Variants in SLC25A48 observed in about 807,000 individuals in gnomAD.
SLC25A48 encodes CTC-321K16.1.
A neutral mutation model predicts 32.2 loss-of-function variants in SLC25A48; 29 were observed. That is an observed-to-expected ratio of 0.90 (90% CI 0.67 to 1.23). The LOEUF is 1.23. SLC25A48 is among the 50% of genes most tolerant of loss of function. The pLI is 0.00. For missense variants in SLC25A48, 399 were observed against 422.7 expected (o/e 0.94, Z 0.49); for synonymous variants, 164 against 172.3 (o/e 0.95, Z 0.38).
At chr5:135,883,040 T>A in intron 7 of SLC25A48, 1 of 985,460 alleles carries the variant, frequency 1.0e-6, no homozygotes, top group African/African-American at 1.7e-5. Context: ...AAGATGTTCT[T>A]GTCTTTCCTC....
chr5:135,654,766 G>T (rs558693322), intron 3 of SLC25A48, among the ~76,000 whole-genome samples: 1 of 152,332 alleles, frequency 6.6e-6, no homozygotes, highest in African/African-American at 2.4e-5. Flanking sequence ...GTCAGAGGCC[G>T]TAAGAGCAGA....
In SLC25A48 at chr5:135,852,769, C is replaced by G. The variant is rs755412853; in HGVS notation, c.369C>G (p.Pro123=). 9.9e-6 allele frequency: 16 copies of G among 1,613,662 alleles called. 1 individual carries two copies. The highest frequency in any genetic ancestry group is 3.3e-5 in the South Asian group (3 of 91,066). ...TGGTCTCTGTCGGGCTGGGAGGGCC[C>G]GTGGACCTCATCAAGATCCGGTTGC... ...AGVVSVGLGG[P]VDLIKIRLQM... is the part of the protein sequence containing the mutation. Residue 123 remains proline (P), a synonymous_variant, in exon 4 of 8, where the codon CCC becomes CCG. Transcript: ENST00000681962.
intron 3 of SLC25A48, among the ~76,000 whole-genome samples, chr5:135,761,810 C>T (rs1008051750): frequency 5.3e-5 from 8 of 152,158 alleles, no homozygotes; most frequent in South Asian, 2.1e-4. Flanking sequence ...ACCTCACTGT[C>T]CCCAGGAGCA....
chr5:135,886,697 A>AGT (rs1762750497), intron 7 of SLC25A48, among the ~76,000 whole-genome samples: 4 of 131,648 alleles, frequency 3.0e-5, no homozygotes, highest in African/African-American at 1.2e-4. Context: ...AGAGAGAGAG[A>AGT]GAGAGTGTGT....
At chr5:135,719,777 T>G (rs566364663) in intron 3 of SLC25A48, among the ~76,000 whole-genome samples, 1 of 152,252 alleles carries the variant, frequency 6.6e-6, no homozygotes, top group East Asian at 1.9e-4. Context: ...ACCTGTGGAT[T>G]GCATCTGCAT....
intron 3 of SLC25A48, among the ~76,000 whole-genome samples, chr5:135,800,504 T>G (rs895523447): frequency 1.3e-5 from 2 of 151,626 alleles, no homozygotes; most frequent in African/African-American, 2.4e-5. Flanking sequence ...GACATGAGTT[T>G]CAACATCGCA....
intron 1 of SLC25A48, among the ~76,000 whole-genome samples, chr5:135,603,514 G>T (rs1207590490): frequency 6.6e-6 from 1 of 152,190 alleles, no homozygotes; most frequent in African/African-American, 2.4e-5. Context: ...CAGCAGGCCC[G>T]GCCCTGCCTC....
At chr5:135,624,350 A>G (rs1016010969) in intron 1 of SLC25A48, among the ~76,000 whole-genome samples, 1 of 152,240 alleles carries the variant, frequency 6.6e-6, no homozygotes, top group Non-Finnish European at 1.5e-5. Flanking sequence ...TTTAGGTTCT[A>G]TACAAACTTA....
chr5:135,828,637 T>A (rs1758126882), intron 4 of SLC25A48, among the ~76,000 whole-genome samples: 1 of 152,230 alleles, frequency 6.6e-6, no homozygotes, highest in African/African-American at 2.4e-5. Flanking sequence ...AGCCTCAGCA[T>A]GGGCTATGGA....
intron 3 of SLC25A48, among the ~76,000 whole-genome samples, chr5:135,732,702 C>A (rs1466310727): frequency 1.3e-5 from 2 of 152,130 alleles, no homozygotes. Flanking sequence ...ATAGAAGGGG[C>A]CTGTGAGGCT....
chr5:135,671,429 G>A (rs2126942406), intron 3 of SLC25A48, among the ~76,000 whole-genome samples: 1 of 152,308 alleles, frequency 6.6e-6, no homozygotes, highest in East Asian at 1.9e-4. Flanking sequence ...CTGGTTTGGG[G>A]TACAGACCAG....
At chr5:135,598,339 C>A (rs763129131) in intron 1 of SLC25A48, among the ~76,000 whole-genome samples, 2 of 152,188 alleles carry the variant, frequency 1.3e-5, no homozygotes, top group Non-Finnish European at 2.9e-5. Context: ...ATCATCATTT[C>A]TCCTTCCACC....
intron 1 of SLC25A48, among the ~76,000 whole-genome samples, chr5:135,600,857 T>C (rs530873630): frequency 6.6e-5 from 10 of 150,886 alleles, no homozygotes; most frequent in Admixed American, 4.0e-4. Flanking sequence ...TATTTTTTTT[T>C]TTTTTTGTAT....
At chr5:135,685,446 T>A (rs1310889525) in intron 3 of SLC25A48, among the ~76,000 whole-genome samples, 2 of 150,626 alleles carry the variant, frequency 1.3e-5, no homozygotes, top group South Asian at 2.1e-4. Flanking sequence ...TTTTTTTTTT[T>A]TTTGAGACAG....
chr5:135,740,783 C>A (rs1445801349), intron 3 of SLC25A48, among the ~76,000 whole-genome samples: 1 of 152,202 alleles, frequency 6.6e-6, no homozygotes, highest in African/African-American at 2.4e-5. Context: ...AGCTGCCCCC[C>A]AGCCCTGCTC....
At chr5:135,779,068 A>G (rs1756652491) in intron 3 of SLC25A48, among the ~76,000 whole-genome samples, 1 of 151,378 alleles carries the variant, frequency 6.6e-6, no homozygotes, top group South Asian at 2.1e-4. Flanking sequence ...TAGGTGTACA[A>G]CCCCCTGTGA....
intron 3 of SLC25A48, among the ~76,000 whole-genome samples, chr5:135,719,498 A>C (rs889545067): frequency 6.6e-6 from 1 of 151,996 alleles, no homozygotes; most frequent in African/African-American, 2.4e-5. Flanking sequence ...GGATGCAGAG[A>C]GGTAGTGGGG....
Position 135,792,493 on chromosome 5 carries a change from TTAATGTAACCCTCTGGTTACATG to T in SLC25A48, c.-520-20019_-520-19997del, listed in dbSNP as rs1315876642. ...GTAATATCTTAGGGGGTTGTTAATC[TTAATGTAACCCTCTGGTTACATG>T]TAATGTAACCATTATGTGTATACAC... On this transcript the variant is annotated intron_variant, in intron 3 of 10. Coordinates refer to the SLC25A48 transcript ENST00000646290. Among the ~76,000 whole-genome samples, 1,222 of 151,846 alleles carry T rather than the reference TTAATGTAACCCTCTGGTTACATG, an allele frequency of 8.0e-3. 14 individuals carry two copies. Among genetic ancestry groups the T allele is most frequent in the African/African-American group, 0.027 (1,126 of 41,464 alleles).
chr5:135,719,505 G>C (rs909697705), intron 3 of SLC25A48, among the ~76,000 whole-genome samples: 1 of 152,048 alleles, frequency 6.6e-6, no homozygotes, highest in African/African-American at 2.4e-5. Context: ...GAGAGGTAGT[G>C]GGGGGACACC....
Sources: allele counts gnomAD v4.1 joint callset (sites outside exome capture counted in the v4.1 genomes callset), GRCh38; gene constraint gnomAD v4.1.1; transcripts MANE v1.5; gene names NCBI Gene and HGNC (gene_info 2026-07-23, HGNC 2026-07-21).